The following SERPINF1 variants were observed in gnomAD, a reference collection of about 807,000 sequenced individuals.
SERPINF1 encodes pigment epithelium-derived factor.
Under a neutral mutation model 37.3 loss-of-function variants are expected in SERPINF1, and 29 were observed. That is an observed-to-expected ratio of 0.78 (90% CI 0.58 to 1.06). The LOEUF (loss-of-function observed/expected upper bound fraction) is 1.06, where lower values mean the gene tolerates loss of function less well. Among genes scored for constraint, SERPINF1 ranks in the 50% least tolerant of loss-of-function variants. SERPINF1 has a pLI of 0.00. For synonymous variants in SERPINF1, 281 were observed against 227.9 expected, an observed-to-expected ratio of 1.23 and a Z score of -2.10; for missense variants, 553 against 532.2, an observed-to-expected ratio of 1.04 and a Z score of -0.38.
chr17:1,766,077 G>A (rs539877840), intron 1 of SERPINF1, among the ~76,000 whole-genome samples: 10 of 152,194 alleles, frequency 6.6e-5, no homozygotes, highest in African/African-American at 9.6e-5. Context: ...CTTGGTATCC[G>A]GTGATTCCAT....
At chr17:1,769,137 C>T (rs570003425) in intron 2 of SERPINF1, among the ~76,000 whole-genome samples, 7 of 150,982 alleles carry the variant, frequency 4.6e-5, no homozygotes, top group Admixed American at 4.0e-4. Flanking sequence ...GGGCTGGGCG[C>T]GGTGGCTCAT....
chr17:1,773,217 G>A (rs769946706), intron 5 of SERPINF1, among the ~76,000 whole-genome samples: 2 of 152,088 alleles, frequency 1.3e-5, no homozygotes, highest in East Asian at 3.9e-4. Context: ...GGTCTGTTTG[G>A]GGCTTTCCCA....
chr17:1,774,742 G>A (rs566455972), intron 5 of SERPINF1, among the ~76,000 whole-genome samples: 1 of 151,370 alleles, frequency 6.6e-6, no homozygotes, highest in African/African-American at 2.5e-5. Flanking sequence ...GATTCCAGGT[G>A]TGAGTTACCA....
At chr17:1,774,139 G>T (rs1438479897) in intron 5 of SERPINF1, among the ~76,000 whole-genome samples, 3 of 152,184 alleles carry the variant, frequency 2.0e-5, no homozygotes, top group Non-Finnish European at 4.4e-5. Context: ...TCCCAGCTCA[G>T]ACCTTCTTTG....
intron 2 of SERPINF1, among the ~76,000 whole-genome samples, chr17:1,768,795 A>T (rs1361217318): frequency 6.7e-6 from 1 of 149,782 alleles, no homozygotes; most frequent in Non-Finnish European, 1.5e-5. Context: ...TTATATTTAT[A>T]TTTATTTTTA....
At chr17:1,774,748 T>C (rs1261447268) in intron 5 of SERPINF1, among the ~76,000 whole-genome samples, 1 of 152,138 alleles carries the variant, frequency 6.6e-6, no homozygotes, top group Non-Finnish European at 1.5e-5. Flanking sequence ...AGGTGTGAGT[T>C]ACCATGCCCG....
chr17:1,765,404 C>T (rs1426628377), intron 1 of SERPINF1, among the ~76,000 whole-genome samples: 1 of 151,980 alleles, frequency 6.6e-6, no homozygotes, highest in Non-Finnish European at 1.5e-5. Flanking sequence ...TCACTGCAAC[C>T]TCTGCCTCCC....
Position 1,775,129 on chromosome 17 carries a change from G to GT in SERPINF1, c.716dup (p.Arg240GlufsTer9), listed in dbSNP as rs765739349. 2 of 1,613,966 alleles carry GT rather than the reference G, an allele frequency of 1.2e-6. No individual in the cohort carries two copies. The highest frequency in any genetic ancestry group is 1.7e-6 in the Non-Finnish European group (2 of 1,179,952). ...TTTCTACTTGGATGAAGAGAGGACCGTGAGGGTCCCCATGATGTCGGACCC... is the reference window on the plus strand; with the variant it reads ...TTTCTACTTGGATGAAGAGAGGACCGTTGAGGGTCCCCATGATGTCGGACCC... On this transcript the variant is annotated frameshift_variant, in exon 6 of 8. Coordinates refer to ENST00000254722, the MANE Select transcript of SERPINF1 (RefSeq NM_002615.7). LOFTEE classifies it high-confidence loss of function.
In SERPINF1 at chr17:1,776,655, G is replaced by A. The variant is rs1434595206; in HGVS notation, c.910G>A (p.Glu304Lys). The A allele has an allele frequency of 1.2e-6, 2 of 1,613,870 alleles. No homozygotes were observed. Among genetic ancestry groups the A allele is most frequent in the African/African-American group, 2.7e-5 (2 of 74,834 alleles). Residue 304 changes from glutamate (E) to lysine (K), a missense_variant, in exon 7 of 8, where the codon GAA (glutamate) becomes AAA (lysine). Physicochemically the swap from Glu to Lys is moderately conservative, Grantham distance 56. Coordinates refer to ENST00000254722, the MANE Select transcript of SERPINF1 (RefSeq NM_002615.7). The stretch of plus-strand genomic sequence containing the variant: ...CGAGTTCATTCATGACATAGACCGA[G>A]AACTGAAGACCGTGCAGGCGGTCCT... ...TSEFIHDIDRELKTVQAVLTV... is the reference protein window; with the variant it reads ...TSEFIHDIDRKLKTVQAVLTV...
intron 1 of SERPINF1, among the ~76,000 whole-genome samples, chr17:1,765,438 C>T (rs1907315798): frequency 6.6e-6 from 1 of 151,944 alleles, no homozygotes; most frequent in African/African-American, 2.4e-5. Context: ...TCTCCTGCCT[C>T]AGCCTCCTGA....
intron 2 of SERPINF1, chr17:1,769,638 C>A: frequency 1.7e-6 from 1 of 595,592 alleles, no homozygotes; most frequent in Non-Finnish European, 3.0e-6. Context: ...AAAAAAAAAA[C>A]AGCTGATCTC....
intron 1 of SERPINF1, among the ~76,000 whole-genome samples, chr17:1,764,188 CA>C (rs560671723): frequency 6.6e-6 from 1 of 151,858 alleles, no homozygotes; most frequent in Non-Finnish European, 1.5e-5. Flanking sequence ...GTCTCAAAAA[CA>C]AAAAAAACTA....
At chr17:1,768,011 T>C (rs1907488438) in intron 2 of SERPINF1, among the ~76,000 whole-genome samples, 1 of 150,866 alleles carries the variant, frequency 6.6e-6, no homozygotes, top group African/African-American at 2.4e-5. Flanking sequence ...GAGACCAGCA[T>C]AGGCAACATA....
chr17:1,771,437 A>G (rs1907733045), intron 4 of SERPINF1, among the ~76,000 whole-genome samples: 1 of 151,632 alleles, frequency 6.6e-6, no homozygotes, highest in Non-Finnish European at 1.5e-5. Flanking sequence ...ACGGGGTTTC[A>G]CCGTGTTTGC....
At chr17:1,770,719 C>T (rs146512251) in intron 3 of SERPINF1, 38 of 362,038 alleles carry the variant, frequency 1.0e-4, no homozygotes, top group African/African-American at 7.2e-4. Context: ...CTTGGCCTCC[C>T]AAAGTGCTGG....
intron 6 of SERPINF1, among the ~76,000 whole-genome samples, chr17:1,775,590 T>C (rs1389400486): frequency 6.6e-6 from 1 of 150,624 alleles, no homozygotes; most frequent in Non-Finnish European, 1.5e-5. Context: ...TCGGCCAGGC[T>C]GGAGTGCAGT....
chr17:1,775,774 T>G (rs546003829), intron 6 of SERPINF1, among the ~76,000 whole-genome samples: 1 of 152,322 alleles, frequency 6.6e-6, no homozygotes, highest in Non-Finnish European at 1.5e-5. Flanking sequence ...ACTCAGGTGA[T>G]CCGCCTGCCT....
At chr17:1,767,877 C>G (rs1038208406) in intron 2 of SERPINF1, among the ~76,000 whole-genome samples, 2 of 152,194 alleles carry the variant, frequency 1.3e-5, no homozygotes, top group East Asian at 1.9e-4. Context: ...TACCAAACAC[C>G]TACTCGACAG....
At chr17:1,776,780 G>A (rs1040191738) in intron 7 of SERPINF1, 38 bp downstream of exon 7, 3 of 1,598,056 alleles carry the variant, frequency 1.9e-6, no homozygotes, top group African/African-American at 1.3e-5. Flanking sequence ...GTGGGTGGAT[G>A]GGGTGGGGCA....
Sources: allele counts gnomAD v4.1 joint callset (sites outside exome capture counted in the v4.1 genomes callset), GRCh38; gene constraint gnomAD v4.1.1; transcripts MANE v1.5; gene names NCBI Gene and HGNC (gene_info 2026-07-23, HGNC 2026-07-21).